GPR158: variants seen among roughly 807,000 people sequenced by gnomAD.
GPR158 encodes the protein metabotropic glycine receptor.
In GPR158, 30 loss-of-function variants were observed where a neutral mutation model predicts 78.2. The ratio of observed to expected loss-of-function variants is 0.38; its 90% CI spans 0.29 to 0.52. The LOEUF is 0.52. GPR158 is among the 20% of genes least tolerant of loss of function. The pLI is 0.83. For missense variants in GPR158, 1,463 were observed against 1,523.5 expected (o/e 0.96, Z 0.66); for synonymous variants, 581 against 591.1 (o/e 0.98, Z 0.25).
intron 2 of GPR158, among the ~76,000 whole-genome samples, chr10:25,253,221 C>T (rs1461106243): frequency 6.6e-6 from 1 of 152,254 alleles, no homozygotes; most frequent in African/African-American, 2.4e-5. Context: ...TCTGGCACTC[C>T]CTAGTGAGAT....
intron 3 of GPR158, among the ~76,000 whole-genome samples, chr10:25,404,367 G>T (rs540247490): frequency 6.6e-6 from 1 of 152,176 alleles, no homozygotes; most frequent in African/African-American, 2.4e-5. Context: ...TTTGCCATTT[G>T]TGAATTGATC....
At chr10:25,294,036 G>A (rs374111419) in intron 2 of GPR158, among the ~76,000 whole-genome samples, 9 of 152,174 alleles carry the variant, frequency 5.9e-5, no homozygotes, top group African/African-American at 1.7e-4. Flanking sequence ...GAGCCACTGC[G>A]CCCAACCGAA....
At chr10:25,346,860 G>A (rs1398370490) in intron 2 of GPR158, among the ~76,000 whole-genome samples, 1 of 151,924 alleles carries the variant, frequency 6.6e-6, no homozygotes, top group Admixed American at 6.6e-5. Context: ...GAAAAGCCCT[G>A]AAGCATCGGA....
At chr10:25,492,397 C>CT (rs1181990690) in intron 5 of GPR158, among the ~76,000 whole-genome samples, 5 of 149,028 alleles carry the variant, frequency 3.4e-5, no homozygotes, top group African/African-American at 5.1e-5. Flanking sequence ...TTCAGTGGCA[C>CT]TTTTTTTTTC....
At chr10:25,434,726 T>G (rs1329705782) in intron 4 of GPR158, among the ~76,000 whole-genome samples, 1 of 152,178 alleles carries the variant, frequency 6.6e-6, no homozygotes, top group Non-Finnish European at 1.5e-5. Flanking sequence ...GACGTTAAAG[T>G]CCATCTATCT....
At chr10:25,232,281 ATTAAC>A (rs754605576) in intron 2 of GPR158, among the ~76,000 whole-genome samples, 42 of 152,150 alleles carry the variant, frequency 2.8e-4, no homozygotes, top group Admixed American at 1.8e-3. Flanking sequence ...GCTTTGCATC[ATTAAC>A]TTATGTGGGA....
chr10:25,368,162 C>T (rs1270879559), intron 2 of GPR158, among the ~76,000 whole-genome samples: 2 of 151,968 alleles, frequency 1.3e-5, no homozygotes, highest in African/African-American at 4.8e-5. Context: ...TTGATCCTGC[C>T]TTCCTTTTCC....
chr10:25,283,795 A>T (rs1002153354), intron 2 of GPR158, among the ~76,000 whole-genome samples: 1 of 151,978 alleles, frequency 6.6e-6, no homozygotes, highest in Admixed American at 6.6e-5. Flanking sequence ...ATCAATTTTG[A>T]TATATTGTAT....
chr10:25,452,969 A>T (rs1256620282), intron 4 of GPR158, among the ~76,000 whole-genome samples: 2 of 152,128 alleles, frequency 1.3e-5, no homozygotes, highest in African/African-American at 4.8e-5. Flanking sequence ...TCTGAGTGAG[A>T]TCATGCAGTA....
intron 2 of GPR158, among the ~76,000 whole-genome samples, chr10:25,279,873 G>A (rs992457502): frequency 6.6e-6 from 1 of 151,606 alleles, no homozygotes; most frequent in African/African-American, 2.4e-5. Flanking sequence ...AGATAATCTG[G>A]TTTGGATCCA....
At chr10:25,496,084 G>A (rs1289350719) in intron 5 of GPR158, among the ~76,000 whole-genome samples, 1 of 152,062 alleles carries the variant, frequency 6.6e-6, no homozygotes, top group Non-Finnish European at 1.5e-5. Context: ...ATTACTCCTG[G>A]TTAAGAAGCA....
In GPR158 at chr10:25,599,094, C is replaced by T; in HGVS notation, c.3468C>T (p.Asn1156=). The T allele has an allele frequency of 6.2e-7, 1 of 1,613,020 alleles. No homozygotes were observed. Among genetic ancestry groups the T allele is most frequent in the South Asian group, 1.1e-5 (1 of 91,080 alleles). The part of the protein sequence containing the change: ...SSEENVRGSY[N]SSNNFQQPLT... ...AGGAGAATGTGCGTGGCTCCTATAA[C>T]TCAAGTAATAACTTCCAGCAACCTT... The change falls in exon 11 of 11, where the codon AAC becomes AAT. Residue 1156 remains asparagine (N), a synonymous_variant. Coordinates refer to ENST00000376351, the MANE Select transcript of GPR158 (RefSeq NM_020752.3).
intron 4 of GPR158, among the ~76,000 whole-genome samples, chr10:25,465,316 A>G (rs1168710044): frequency 6.6e-6 from 1 of 152,156 alleles, no homozygotes; most frequent in African/African-American, 2.4e-5. Context: ...GCCTAAAATG[A>G]CCTGTTTTTG....
At chr10:25,302,025 T>G (rs1854602569) in intron 2 of GPR158, among the ~76,000 whole-genome samples, 1 of 152,122 alleles carries the variant, frequency 6.6e-6, no homozygotes, top group Admixed American at 6.5e-5. Flanking sequence ...GTGTAATGTT[T>G]GTGAGATCTA....
intron 2 of GPR158, among the ~76,000 whole-genome samples, chr10:25,223,319 C>T (rs1186052473): frequency 6.6e-6 from 1 of 152,132 alleles, no homozygotes; most frequent in Non-Finnish European, 1.5e-5. Context: ...CCTTTCATTG[C>T]CCAGGTACTG....
At chr10:25,252,636 G>A (rs1165046347) in intron 2 of GPR158, among the ~76,000 whole-genome samples, 1 of 152,064 alleles carries the variant, frequency 6.6e-6, no homozygotes, top group Non-Finnish European at 1.5e-5. Flanking sequence ...AGGGGTCAGG[G>A]GTCAGGGACC....
rs553426004 is a variant in GPR158, at chr10:25,184,995, T to C, written c.902+8673T>C. Among the ~76,000 whole-genome samples, 7 of 152,346 alleles carry C rather than the reference T, an allele frequency of 4.6e-5. No homozygotes were observed. In the South Asian group the frequency reaches 1.5e-3, roughly 32 times the overall value. On this transcript the variant is annotated intron_variant, in intron 1 of 10. Transcript: ENST00000376351. ...GGCCTTTGCTGTGGGGGCTGTCTTA[T>C]TCACTGTAAGATGTTCAGCAGCACC...
chr10:25,512,236 A>G (rs980945456), intron 5 of GPR158, among the ~76,000 whole-genome samples: 1 of 152,062 alleles, frequency 6.6e-6, no homozygotes, highest in Non-Finnish European at 1.5e-5. Context: ...TTTTCCTTGT[A>G]GAGGTCTTTT....
At chr10:25,339,866 TATA>T (rs1195071809) in intron 2 of GPR158, among the ~76,000 whole-genome samples, 1 of 152,168 alleles carries the variant, frequency 6.6e-6, no homozygotes, top group Non-Finnish European at 1.5e-5. Context: ...CCAAGTTTAT[TATA>T]ATAGGTTATT....
Sources: gnomAD v4.1 joint callset for allele counts (sites outside exome capture counted in the v4.1 genomes callset) on GRCh38, gnomAD v4.1.1 for gene constraint, MANE v1.5 for transcripts, NCBI Gene and HGNC (gene_info 2026-07-23, HGNC 2026-07-21) for gene names.